ZNF311: variants seen among roughly 807,000 people sequenced by gnomAD.
The protein encoded by ZNF311 is zinc finger protein zfp31.
ZNF311 carries 14 observed loss-of-function variants against 22.7 expected under a neutral mutation model. The ratio of observed to expected loss-of-function variants is 0.62; its 90% CI spans 0.41 to 0.96. The LOEUF is 0.96. ZNF311 is among the 40% of genes least tolerant of loss of function. ZNF311 has a pLI of 0.00. For missense variants in ZNF311, 731 were observed against 799.0 expected, an observed-to-expected ratio of 0.91 and a Z score of 1.03; for synonymous variants, 250 against 275.3, an observed-to-expected ratio of 0.91 and a Z score of 0.91.
chr6:29,003,858 C>T (rs1297955369), intron 2 of ZNF311, 88 bp downstream of exon 2: 2 of 1,612,078 alleles, frequency 1.2e-6, no homozygotes, highest in Non-Finnish European at 1.7e-6. Flanking sequence ...GAGTCAGACA[C>T]ACCTCCACTC....
chr6:29,003,686 A>T (rs1243440932), intron 2 of ZNF311, 92 bp from the exon 3 acceptor site: 1 of 1,482,466 alleles, frequency 6.7e-7, no homozygotes, highest in East Asian at 2.3e-5. Context: ...CTATCCACAG[A>T]AACTGTCTCC....
intron 3 of ZNF311, among the ~76,000 whole-genome samples, chr6:29,001,870 A>G (rs1336691427): frequency 6.6e-6 from 1 of 152,238 alleles, no homozygotes; most frequent in Non-Finnish European, 1.5e-5. Context: ...TTTAACATGT[A>G]TATCATTAAC....
chr6:28,996,693 A>C, intron 6 of ZNF311, 107 bp from the exon 7 acceptor site: 2 of 1,293,372 alleles, frequency 1.5e-6, no homozygotes, highest in Non-Finnish European at 2.1e-6. Flanking sequence ...ATGCTGGAAA[A>C]ATTACTAACG....
chr6:29,003,535 A>G lies in ZNF311; in HGVS notation c.69T>C (p.Asp23=), dbSNP rs1439470573. The G allele has an allele frequency of 1.2e-6, 2 of 1,613,054 alleles. No individual in the cohort carries two copies. Among genetic ancestry groups the G allele is most frequent in the Middle Eastern group, 3.3e-4 (2 of 6,062 alleles). Residue 23 remains aspartate (D), a synonymous_variant, in exon 3 of 7, where the codon GAT becomes GAC. Transcript: ENST00000377179. The part of the protein sequence containing the change: ...PPSQLLWTRQ[D]TQLPQESALL... The stretch of plus-strand genomic sequence containing the variant: ...CACCGCTTTCCTGAGGGAGCTGGGT[A>G]TCCTGGCGGGTCCAAAGCAGCTGGC...
chr6:28,995,438 T>C lies in ZNF311; in HGVS notation c.1564A>G (p.Thr522Ala). The change falls in exon 7 of 7, where the codon ACT (threonine) becomes GCT (alanine). Residue 522 changes from threonine (T) to alanine (A), a missense_variant. Physicochemically the swap from Thr to Ala is moderately conservative, Grantham distance 58. Transcript: ENST00000377179. This position sits in a 1 kb window ranked among gnomAD's most constrained non-coding sequence, Gnocchi z 4.7. ...HCLTIHQRIH[T>A]GEKPYKCLEC... ...AAACATTTGTAAGGTTTCTCTCCAG[T>C]GTGGATTCTCTGATGGATGGTAAGG... 3.1e-6 allele frequency: 5 copies of C among 1,613,290 alleles called. No homozygotes were observed. Among genetic ancestry groups the C allele is most frequent in the Non-Finnish European group, 4.2e-6 (5 of 1,179,604 alleles).
intron 1 of ZNF311, among the ~76,000 whole-genome samples, chr6:29,004,595 T>C (rs1033279158): frequency 2.3e-4 from 35 of 152,106 alleles, no homozygotes; most frequent in Admixed American, 2.0e-3. Context: ...GTTGGATCAT[T>C]TCATCGCTCT....
chr6:29,000,161 T>C (rs1780244540), intron 3 of ZNF311, 114 bp from the exon 4 acceptor site: 9 of 947,330 alleles, frequency 9.5e-6, no homozygotes, highest in South Asian at 1.5e-5. Flanking sequence ...CCTAGGGCTT[T>C]AGGCTACTGC....
At chr6:29,003,419 T>A (rs1780724490) in intron 3 of ZNF311, 94 bp downstream of exon 3, 2 of 1,113,346 alleles carry the variant, frequency 1.8e-6, no homozygotes, top group Admixed American at 3.5e-5. Flanking sequence ...ATGAACAGAT[T>A]TTTGGGCCCC....
chr6:29,002,817 C>T (rs992483323), intron 3 of ZNF311, among the ~76,000 whole-genome samples: 1 of 152,036 alleles, frequency 6.6e-6, no homozygotes, highest in African/African-American at 2.4e-5. Context: ...GATGGGGTTT[C>T]ACCATATTGG....
At position 28,997,432 on chromosome 6, in the gene ZNF311, T is replaced by C. The variant is rs553482879; in HGVS notation, c.416-846A>G. On this transcript the variant is annotated intron_variant, in intron 6 of 6. Transcript: ENST00000377179. ...GTTTTTCTGCTTAAGCTAGCTTGGG[T>C]TAATTTCTATTGCTGTCAACCAAAG... Among the ~76,000 whole-genome samples the C allele has an allele frequency of 4.3e-4, 65 of 152,246 alleles. 1 individual carries two copies. In the South Asian group the frequency reaches 0.013, roughly 32 times the overall value.
chr6:28,995,760 A>G lies in ZNF311; in HGVS notation c.1242T>C (p.Pro414=). The G allele has an allele frequency of 1.2e-6, 2 of 1,613,586 alleles. No individual in the cohort carries two copies. Among genetic ancestry groups the G allele is most frequent in the Non-Finnish European group, 1.7e-6 (2 of 1,179,926 alleles). ...CCCTTCCACACTTGCTGCACTCATAAGGTCGTTCCCCAGTGTGGATTCTTA... is the reference window on the plus strand; with the variant it reads ...CCCTTCCACACTTGCTGCACTCATAGGGTCGTTCCCCAGTGTGGATTCTTA... ...KHIRIHTGER[P]YECSKCGRAF... is the part of the protein sequence containing the mutation. Residue 414 remains proline, a synonymous_variant, in exon 7 of 7, where the codon CCT becomes CCC. Coordinates refer to ENST00000377179, the MANE Select transcript of ZNF311 (RefSeq NM_001382360.1). The surrounding 1 kb of genome is among the most constrained non-coding windows in gnomAD (Gnocchi z 4.7).
chr6:28,997,127 T>C (rs1228766404), intron 6 of ZNF311, among the ~76,000 whole-genome samples: 1 of 152,246 alleles, frequency 6.6e-6, no homozygotes, highest in Non-Finnish European at 1.5e-5. Flanking sequence ...AGAATTGTGA[T>C]CTGACGGCAG....
chr6:28,999,925 T>A, intron 4 of ZNF311, 31 bp downstream of exon 4: 1 of 1,599,736 alleles, frequency 6.3e-7, no homozygotes. Context: ...GTGATGTATT[T>A]TCAAGGAGGA....
chr6:28,995,400 T>C lies in ZNF311; in HGVS notation c.1602A>G (p.Lys534=), dbSNP rs770052641. 46 of 1,614,024 alleles carry C rather than the reference T, an allele frequency of 2.9e-5. No homozygotes were observed. Among genetic ancestry groups the C allele is most frequent in the Non-Finnish European group, 3.8e-5 (45 of 1,180,028 alleles). Residue 534 remains lysine, a synonymous_variant, in exon 7 of 7, where the codon AAA becomes AAG. Coordinates refer to ENST00000377179, the MANE Select transcript of ZNF311 (RefSeq NM_001382360.1). The surrounding 1 kb of genome is among the most constrained non-coding windows in gnomAD (Gnocchi z 4.7). ...TCAAGTTTGACTTCCCACTGAAAGC[T>C]TTCCCACACTCTAAACATTTGTAAG... ...EKPYKCLECG[K]AFSGKSNLTN...
Position 28,996,243 on chromosome 6 carries a change from G to A in ZNF311, c.759C>T (p.Gly253=). The part of the protein sequence containing the change: ...AQKLHECARC[G]KNFSWHSDLI... ...GATCTGAGTGCCAACTGAAGTTTTT[G>A]CCACACCTGGCACATTCATGGAGTT... Residue 253 remains glycine, a synonymous_variant, in exon 7 of 7, where the codon GGC becomes GGT. Coordinates refer to ENST00000377179, the MANE Select transcript of ZNF311 (RefSeq NM_001382360.1). The A allele has an allele frequency of 6.2e-7, 1 of 1,613,180 alleles. No individual in the cohort carries two copies. Among genetic ancestry groups the A allele is most frequent in the Non-Finnish European group, 8.5e-7 (1 of 1,180,030 alleles).
At chr6:29,002,805 G>A (rs1339993574) in intron 3 of ZNF311, among the ~76,000 whole-genome samples, 5 of 152,092 alleles carry the variant, frequency 3.3e-5, no homozygotes, top group South Asian at 2.1e-4. Flanking sequence ...ATTTTTAGTA[G>A]AGATGGGGTT....
Position 28,995,776 on chromosome 6 carries a change from T to C in ZNF311, c.1226A>G (p.His409Arg). The C allele has an allele frequency of 6.2e-7, 1 of 1,613,936 alleles. No homozygotes were observed. The highest frequency in any genetic ancestry group is 1.1e-5 in the South Asian group (1 of 91,082). ...GCACTCATAAGGTCGTTCCCCAGTG[T>C]GGATTCTTATGTGTTTGGTGAGGTC... ...SSDLTKHIRI[H>R]TGERPYECSK... The change falls in exon 7 of 7, where the codon CAC becomes CGC. Residue 409 changes from histidine to arginine, a missense_variant. Coordinates refer to ENST00000377179, the MANE Select transcript of ZNF311 (RefSeq NM_001382360.1). The surrounding 1 kb of genome is among the most constrained non-coding windows in gnomAD (Gnocchi z 4.7).
At chr6:29,001,388 G>T (rs1780432795) in intron 3 of ZNF311, among the ~76,000 whole-genome samples, 1 of 152,122 alleles carries the variant, frequency 6.6e-6, no homozygotes, top group Admixed American at 6.5e-5. Context: ...CTCTTCTTTA[G>T]TTTCAGCTAC....
At chr6:29,003,696 C>A (rs1473960608) in intron 2 of ZNF311, 102 bp from the exon 3 acceptor site, 4 of 1,452,516 alleles carry the variant, frequency 2.8e-6, no homozygotes, top group Admixed American at 3.5e-5. Flanking sequence ...AAACTGTCTC[C>A]CAGAAATACC....
Sources: gnomAD v4.1 joint callset for allele counts (sites outside exome capture counted in the v4.1 genomes callset) on GRCh38, gnomAD v4.1.1 for gene constraint, Gnocchi (gnomAD v3.1) non-coding constraint, MANE v1.5 for transcripts, NCBI Gene and HGNC (gene_info 2026-07-23, HGNC 2026-07-21) for gene names.